The following TNFSF11 variants were observed in gnomAD, a reference collection of about 807,000 sequenced individuals.
TNFSF11 encodes the protein tumor necrosis factor ligand superfamily member 11.
TNFSF11 carries 12 observed loss-of-function variants against 32.2 expected under a neutral mutation model. The observed-to-expected ratio is 0.37, with a 90% CI of 0.24 to 0.60. The LOEUF is 0.60. TNFSF11 is among the 20% of genes least tolerant of loss of function. TNFSF11 has a pLI of 0.66. For missense variants in TNFSF11, 345 were observed against 398.0 expected (o/e 0.87, Z 1.13); for synonymous variants, 172 against 152.1 (o/e 1.13, Z -0.96).
chr13:42,601,314 G>A (rs1869161029), intron 4 of TNFSF11, among the ~76,000 whole-genome samples: 1 of 152,212 alleles, frequency 6.6e-6, no homozygotes, highest in African/African-American at 2.4e-5. Flanking sequence ...ACACAGCCCT[G>A]CTGCTGACCT....
chr13:42,565,044 T>C (rs1872818996), intron 1 of TNFSF11, among the ~76,000 whole-genome samples: 2 of 152,178 alleles, frequency 1.3e-5, no homozygotes. Flanking sequence ...TCCAGTAAAA[T>C]ATCTCTGCCT....
chr13:42,605,136 T>G (rs531833392), intron 4 of TNFSF11, among the ~76,000 whole-genome samples: 1 of 152,324 alleles, frequency 6.6e-6, no homozygotes, highest in African/African-American at 2.4e-5. Context: ...ATCAGAGAGC[T>G]GTCAGTTTTG....
In TNFSF11 at chr13:42,606,920, C is replaced by T; in HGVS notation, c.*2C>T. On this transcript the variant is annotated 3_prime_UTR_variant, in exon 5 of 5. Coordinates refer to ENST00000398795, the MANE Select transcript of TNFSF11 (RefSeq NM_003701.4). ...TTTAAAGTTCGAGATATAGATTGAG[C>T]CCCAGTTTTTGGAGTGTTATGTATT... 6.2e-7 allele frequency: 1 copy of T among 1,614,112 alleles called. No individual in the cohort carries two copies. Among genetic ancestry groups the T allele is most frequent in the Non-Finnish European group, 8.5e-7 (1 of 1,180,010 alleles).
intron 1 of TNFSF11, among the ~76,000 whole-genome samples, chr13:42,579,993 A>G (rs1873523103): frequency 6.6e-6 from 1 of 152,074 alleles, no homozygotes; most frequent in Non-Finnish European, 1.5e-5. Context: ...TTTATTTCTA[A>G]TGGTTGGTTA....
At chr13:42,571,543 A>AT (rs1873069267), upstream of TNFSF11, 1 of 151,896 alleles carries the variant, frequency 6.6e-6, no homozygotes, top group African/African-American at 2.4e-5. Flanking sequence ...TAATTTGTTC[A>AT]TTTTTTGTAA....
intron 2 of TNFSF11, among the ~76,000 whole-genome samples, chr13:42,593,055 A>G (rs150773707): frequency 8.9e-4 from 136 of 152,286 alleles, no homozygotes; most frequent in Middle Eastern, 6.8e-3. Flanking sequence ...CTGGGACTGA[A>G]AGATCCAATC....
Position 42,599,349 on chromosome 13 carries a change from C to CTATCTATCATCTATCT in TNFSF11, c.388-1403_388-1402insTATCTATCATCTATCT, listed in dbSNP as rs11385072. 5.1e-3 allele frequency among the ~76,000 whole-genome samples: 575 copies of CTATCTATCATCTATCT among 112,204 alleles called. 1 individual carries two copies. The highest frequency in any genetic ancestry group is 9.2e-3 in the East Asian group (34 of 3,710). 73.6% of individuals were successfully genotyped at this position (112,204 alleles called of 152,430 possible). Reference sequence around the variant, plus strand: ...TCTATCTATCTATCTATCTATCTATCATCTATCTATCTATCTATCTATCTA... The same window carrying CTATCTATCATCTATCT: ...TCTATCTATCTATCTATCTATCTATCTATCTATCATCTATCTATCTATCTATCTATCTATCTATCTA... On this transcript the variant is annotated intron_variant, in intron 2 of 4. Coordinates refer to ENST00000398795, the MANE Select transcript of TNFSF11 (RefSeq NM_003701.4).
chr13:42,574,553 CT>C (rs755783391), intron 1 of TNFSF11, 31 bp downstream of exon 1: 58 of 1,595,754 alleles, frequency 3.6e-5, no homozygotes, highest in Non-Finnish European at 4.9e-5. Flanking sequence ...GGGATCGCGG[CT>C]GAGAGCGCCC....
At position 42,590,167 on chromosome 13, in the gene TNFSF11, G is replaced by A. The variant is rs1015876608; in HGVS notation, c.387+8874G>A. Among the ~76,000 whole-genome samples, 78 of 152,350 alleles carry A rather than the reference G, an allele frequency of 5.1e-4. 1 individual carries two copies. The highest frequency in any genetic ancestry group is 1.9e-3 in the African/African-American group (77 of 41,588). On this transcript the variant is annotated intron_variant, in intron 2 of 4. Transcript: ENST00000398795. ...GTGGCAAGCACATAGTTGGTGCTCA[G>A]TGAAAGTTTAAAGAACAAGTTTAAT...
chr13:42,599,303 C>CTCTATCTATCTA (rs140280017), intron 2 of TNFSF11, among the ~76,000 whole-genome samples: 12 of 142,776 alleles, frequency 8.4e-5, no homozygotes, highest in Non-Finnish European at 1.5e-4. Flanking sequence ...ATGTTATTGC[C>CTCTATCTATCTA]TCTATCTATC....
chr13:42,591,815 A>G (rs1360779726), intron 2 of TNFSF11, among the ~76,000 whole-genome samples: 2 of 152,228 alleles, frequency 1.3e-5, no homozygotes, highest in Non-Finnish European at 2.9e-5. Flanking sequence ...ATGCCGTGGA[A>G]ATAAGAGCGT....
chr13:42,580,884 A>G (rs1873570991), intron 1 of TNFSF11, among the ~76,000 whole-genome samples: 1 of 152,182 alleles, frequency 6.6e-6, no homozygotes, highest in African/African-American at 2.4e-5. Context: ...CACTTCTGTC[A>G]TTGTTAAAAG....
chr13:42,606,846 C>T lies in TNFSF11; in HGVS notation c.882C>T (p.Ser294=). 1.2e-6 allele frequency: 2 copies of T among 1,613,998 alleles called. No individual in the cohort carries two copies. Among genetic ancestry groups the T allele is most frequent in the Non-Finnish European group, 1.7e-6 (2 of 1,179,988 alleles). Residue 294 remains serine (S), a synonymous_variant, in exon 5 of 5, where the codon TCC becomes TCT. Transcript: ENST00000398795. ...RSGEEISIEV[S]NPSLLDPDQD... Reference sequence around the variant, plus strand: ...GAGAGGAAATCAGCATCGAGGTCTCCAACCCCTCCTTACTGGATCCGGATC... The same window carrying T: ...GAGAGGAAATCAGCATCGAGGTCTCTAACCCCTCCTTACTGGATCCGGATC...
chr13:42,565,935 C>A (rs1477400824), intron 1 of TNFSF11, among the ~76,000 whole-genome samples: 4 of 152,180 alleles, frequency 2.6e-5, no homozygotes, highest in Admixed American at 6.5e-5. Flanking sequence ...GGGAATATGG[C>A]AGCACAGGCT....
intron 1 of TNFSF11, among the ~76,000 whole-genome samples, chr13:42,576,879 G>A (rs1168999714): frequency 4.6e-5 from 7 of 152,224 alleles, no homozygotes; most frequent in Non-Finnish European, 8.8e-5. Flanking sequence ...TAGCTGAAGC[G>A]CTGATGCGTG....
At chr13:42,602,344 T>C (rs889085252) in intron 4 of TNFSF11, among the ~76,000 whole-genome samples, 9 of 152,200 alleles carry the variant, frequency 5.9e-5, no homozygotes, top group Admixed American at 3.3e-4. Context: ...TTGTTATTTT[T>C]GAGTTCAATT....
Position 42,600,967 on chromosome 13 carries a change from C to T in TNFSF11, c.518C>T (p.Thr173Ile), listed in dbSNP as rs1869143461. The change falls in exon 4 of 5, where the codon ACC (threonine) becomes ATC (isoleucine). Residue 173 changes from threonine to isoleucine, a missense_variant. Coordinates refer to ENST00000398795, the MANE Select transcript of TNFSF11 (RefSeq NM_003701.4). ...QPFAHLTINATDIPSGSHKVS... is the reference protein window; with the variant it reads ...QPFAHLTINAIDIPSGSHKVS... ...TTTGCTCATCTCACTATTAATGCCA[C>T]CGACATCCCATCTGGTAAGCTCTAT... The T allele has an allele frequency of 6.2e-7, 1 of 1,614,020 alleles. No homozygotes were observed. The highest frequency in any genetic ancestry group is 1.3e-5 in the African/African-American group (1 of 74,922).
chr13:42,603,730 A>G (rs1343462083), intron 4 of TNFSF11, among the ~76,000 whole-genome samples: 1 of 152,144 alleles, frequency 6.6e-6, no homozygotes, highest in Non-Finnish European at 1.5e-5. Flanking sequence ...AATGTCAACC[A>G]TGTGCTATGC....
At chr13:42,576,262 A>G (rs1873310050) in intron 1 of TNFSF11, among the ~76,000 whole-genome samples, 2 of 152,182 alleles carry the variant, frequency 1.3e-5, no homozygotes, top group Non-Finnish European at 2.9e-5. Flanking sequence ...TTGGCTTGGC[A>G]GGAGCTGTGG....
Sources: allele counts gnomAD v4.1 joint callset (sites outside exome capture counted in the v4.1 genomes callset), GRCh38; gene constraint gnomAD v4.1.1; transcripts MANE v1.5; gene names NCBI Gene and HGNC (gene_info 2026-07-23, HGNC 2026-07-21).